The following SH3GL2 variants were observed in gnomAD, a reference collection of about 807,000 sequenced individuals.
The protein encoded by SH3GL2 is endophilin-A1.
Under a neutral mutation model 46.0 loss-of-function variants are expected in SH3GL2, and 24 were observed. The observed-to-expected ratio is 0.52, with a 90% CI of 0.38 to 0.73. The LOEUF (loss-of-function observed/expected upper bound fraction) is 0.73, where lower values mean the gene tolerates loss of function less well. Ranked by LOEUF, SH3GL2 falls within the 30% of genes least tolerant of loss-of-function variation. The pLI is 0.00. For synonymous variants in SH3GL2, 196 were observed against 147.1 expected (o/e 1.33, Z -2.40); for missense variants, 413 against 424.2 (o/e 0.97, Z 0.23).
intron 1 of SH3GL2, among the ~76,000 whole-genome samples, chr9:17,735,507 T>C (rs771786248): frequency 7.3e-5 from 11 of 151,330 alleles, no homozygotes; most frequent in Non-Finnish European, 1.0e-4. Context: ...GGTCCACTTA[T>C]ACATGAATTT....
intron 3 of SH3GL2, among the ~76,000 whole-genome samples, chr9:17,782,230 C>G (rs1476741836): frequency 6.6e-6 from 1 of 152,034 alleles, no homozygotes; most frequent in African/African-American, 2.4e-5. Flanking sequence ...TTTTTAAACT[C>G]CTTGGTGTGG....
intron 1 of SH3GL2, among the ~76,000 whole-genome samples, chr9:17,708,290 T>C (rs1230474062): frequency 6.6e-6 from 1 of 151,988 alleles, no homozygotes; most frequent in Non-Finnish European, 1.5e-5. Flanking sequence ...TTGTGTTTGG[T>C]TTTGATAGTG....
chr9:17,793,541 A>G (rs1563857410), intron 8 of SH3GL2, 44 bp downstream of exon 8: 1 of 1,591,692 alleles, frequency 6.3e-7, no homozygotes, highest in African/African-American at 1.4e-5. Context: ...CCCTTGGCAT[A>G]TCCATTGGCA....
intron 1 of SH3GL2, among the ~76,000 whole-genome samples, chr9:17,598,104 G>A (rs1429373482): frequency 2.0e-5 from 3 of 152,230 alleles, no homozygotes; most frequent in Non-Finnish European, 4.4e-5. Flanking sequence ...CTGACATTCT[G>A]TTGTGGAGAG....
chr9:17,786,271 C>G, intron 3 of SH3GL2, 110 bp from the exon 4 acceptor site: 1 of 942,542 alleles, frequency 1.1e-6, no homozygotes, highest in Non-Finnish European at 1.6e-6. Flanking sequence ...GTACACTTAT[C>G]AGTAGCTGAG....
intron 3 of SH3GL2, among the ~76,000 whole-genome samples, chr9:17,766,784 C>T (rs1220326117): frequency 6.6e-6 from 1 of 151,936 alleles, no homozygotes; most frequent in African/African-American, 2.4e-5. Context: ...CCAGTGGTGC[C>T]CGTAATAGAC....
At chr9:17,687,667 A>G (rs1820956905) in intron 1 of SH3GL2, among the ~76,000 whole-genome samples, 2 of 152,104 alleles carry the variant, frequency 1.3e-5, no homozygotes, top group African/African-American at 2.4e-5. Context: ...CCCTATAGAA[A>G]ATAATGGTAT....
intron 1 of SH3GL2, among the ~76,000 whole-genome samples, chr9:17,735,413 T>G (rs997511806): frequency 6.6e-6 from 1 of 152,202 alleles, no homozygotes; most frequent in Non-Finnish European, 1.5e-5. Context: ...TATTTGTGTT[T>G]GTGCATGTGT....
At chr9:17,686,940 T>A (rs1278551751) in intron 1 of SH3GL2, among the ~76,000 whole-genome samples, 1 of 148,442 alleles carries the variant, frequency 6.7e-6, no homozygotes, top group Non-Finnish European at 1.5e-5. Flanking sequence ...AAAGTATAAT[T>A]AAAAAAAAAA....
intron 2 of SH3GL2, among the ~76,000 whole-genome samples, chr9:17,752,980 A>T (rs1489538595): frequency 1.3e-5 from 2 of 152,208 alleles, no homozygotes; most frequent in Middle Eastern, 3.4e-3. Flanking sequence ...CTCTTCCTGC[A>T]TTAGTTTGCT....
chr9:17,587,517 T>C (rs549590143), intron 1 of SH3GL2, among the ~76,000 whole-genome samples: 72 of 152,222 alleles, frequency 4.7e-4, no homozygotes, highest in Non-Finnish European at 9.7e-4. Flanking sequence ...AATTTGGGGA[T>C]TGTTTTACAG....
intron 1 of SH3GL2, among the ~76,000 whole-genome samples, chr9:17,732,683 G>T (rs1376015962): frequency 6.6e-6 from 1 of 152,076 alleles, no homozygotes; most frequent in Admixed American, 6.6e-5. Context: ...GATTCAATAG[G>T]CCTATAGGCA....
chr9:17,779,133 G>C (rs1201017559), intron 3 of SH3GL2, among the ~76,000 whole-genome samples: 1 of 152,134 alleles, frequency 6.6e-6, no homozygotes, highest in Non-Finnish European at 1.5e-5. Flanking sequence ...GCCCAGGCTT[G>C]CTTGCTTATA....
chr9:17,621,681 G>A (rs1028673452), intron 1 of SH3GL2, among the ~76,000 whole-genome samples: 2 of 152,142 alleles, frequency 1.3e-5, no homozygotes, highest in Non-Finnish European at 2.9e-5. Flanking sequence ...ATGGCTGTGA[G>A]GGCACCTAGG....
Position 17,689,538 on chromosome 9 carries a change from A to G in SH3GL2, c.46-57528A>G, listed in dbSNP as rs537850609. On this transcript the variant is annotated intron_variant, in intron 1 of 8. Coordinates refer to ENST00000380607, the MANE Select transcript of SH3GL2 (RefSeq NM_003026.5). ...CCCTCCTTTTGAGTGTCCTCACCAT[A>G]GCCTACAAGGCCCCATGTGATTTGG... 6.6e-5 allele frequency among the ~76,000 whole-genome samples: 10 copies of G among 152,176 alleles called. No individual in the cohort carries two copies. The East Asian group carries it at 1.7e-3, about 27-fold the overall frequency.
chr9:17,749,843 G>C (rs1822794091), intron 2 of SH3GL2, among the ~76,000 whole-genome samples: 1 of 152,214 alleles, frequency 6.6e-6, no homozygotes, highest in African/African-American at 2.4e-5. Flanking sequence ...GAGTATGAAA[G>C]TAAGGTATAA....
At chr9:17,761,581 A>G (rs565569374) in intron 3 of SH3GL2, 72 bp downstream of exon 3, 4 of 966,886 alleles carry the variant, frequency 4.1e-6, no homozygotes, top group Admixed American at 1.7e-5. Context: ...AGACATTTTA[A>G]GTTTGGTGTG....
intron 1 of SH3GL2, among the ~76,000 whole-genome samples, chr9:17,635,128 T>C (rs895991204): frequency 1.2e-4 from 18 of 152,128 alleles, no homozygotes; most frequent in Non-Finnish European, 2.5e-4. Flanking sequence ...CTGGATCTTC[T>C]CCCTGCCCAC....
intron 1 of SH3GL2, among the ~76,000 whole-genome samples, chr9:17,656,740 A>G (rs540448977): frequency 1.3e-3 from 185 of 140,894 alleles, no homozygotes; most frequent in African/African-American, 4.4e-3. Context: ...ACTGCACTGC[A>G]AGCCTGGGCG....
Sources: gnomAD v4.1 joint callset for allele counts (sites outside exome capture counted in the v4.1 genomes callset) on GRCh38, gnomAD v4.1.1 for gene constraint, MANE v1.5 for transcripts, NCBI Gene and HGNC (gene_info 2026-07-23, HGNC 2026-07-21) for gene names.